FARS2: variants seen among roughly 807,000 people sequenced by gnomAD.
The protein encoded by FARS2 is phenylalanyl-tRNA synthetase 2, mitochondrial, also known as phenylalanine--tRNA ligase, mitochondrial.
Under a neutral mutation model 46.4 loss-of-function variants are expected in FARS2, and 40 were observed. That is an observed-to-expected ratio of 0.86 (90% CI 0.67 to 1.12). The LOEUF (loss-of-function observed/expected upper bound fraction) is 1.12. FARS2 is among the 50% of genes most tolerant of loss of function. The pLI is 0.00. For synonymous variants in FARS2, 234 were observed against 214.9 expected, an observed-to-expected ratio of 1.09 and a Z score of -0.78; for missense variants, 513 against 567.9, an observed-to-expected ratio of 0.90 and a Z score of 0.98.
chr6:5,708,140 G>C (rs1445618602), intron 6 of FARS2, among the ~76,000 whole-genome samples: 1 of 152,138 alleles, frequency 6.6e-6, no homozygotes, highest in Non-Finnish European at 1.5e-5. Context: ...GGTGGTAGAA[G>C]GGCCGGGTAG....
At chr6:5,522,042 G>T (rs1219619686) in intron 4 of FARS2, among the ~76,000 whole-genome samples, 1 of 152,172 alleles carries the variant, frequency 6.6e-6, no homozygotes, top group African/African-American at 2.4e-5. Flanking sequence ...GAATGTTAGG[G>T]CTGATTAATA....
rs187409808 is a variant in FARS2 at position 5,393,065 on chromosome 6, G to T, written c.613-11477G>T. Among the ~76,000 whole-genome samples the T allele has an allele frequency of 1.3e-4, 20 of 151,680 alleles. No homozygotes were observed. The East Asian group carries it at 3.9e-3, about 29-fold the overall frequency. Reference sequence around the variant, plus strand: ...GTGCTGCATTTTGGGAATTATCAGTGGGTTTTTGATTTATTGCTTCAACCA... The same window carrying T: ...GTGCTGCATTTTGGGAATTATCAGTTGGTTTTTGATTTATTGCTTCAACCA... On this transcript the variant is annotated intron_variant, in intron 2 of 6. Coordinates refer to ENST00000274680, the MANE Select transcript of FARS2 (RefSeq NM_006567.5).
At chr6:5,268,895 G>A (rs1040884294) in intron 1 of FARS2, among the ~76,000 whole-genome samples, 3 of 152,110 alleles carry the variant, frequency 2.0e-5, no homozygotes, top group Admixed American at 6.5e-5. Flanking sequence ...GTGGTTTGTA[G>A]TTCTCCTTGA....
chr6:5,531,758 G>A (rs1328038820), intron 4 of FARS2, among the ~76,000 whole-genome samples: 3 of 152,182 alleles, frequency 2.0e-5, no homozygotes, highest in African/African-American at 7.2e-5. Flanking sequence ...GAGTCTCCGA[G>A]GAAGCAGTTC....
intron 6 of FARS2, among the ~76,000 whole-genome samples, chr6:5,688,626 C>T (rs1343666080): frequency 6.6e-6 from 1 of 152,162 alleles, no homozygotes; most frequent in Non-Finnish European, 1.5e-5. Context: ...AGGATTTTTG[C>T]ATTGATGTTC....
chr6:5,372,158 G>A (rs546276162), intron 2 of FARS2, among the ~76,000 whole-genome samples: 25 of 152,162 alleles, frequency 1.6e-4, no homozygotes, highest in South Asian at 6.2e-4. Flanking sequence ...AAGCAAAACT[G>A]AAGAATTAAA....
intron 6 of FARS2, among the ~76,000 whole-genome samples, chr6:5,672,534 TACATA>T (rs745353375): frequency 2.0e-4 from 31 of 152,344 alleles, no homozygotes; most frequent in South Asian, 8.3e-4. Flanking sequence ...AACCATGGGT[TACATA>T]ACTTCAGGGG....
intron 4 of FARS2, among the ~76,000 whole-genome samples, chr6:5,490,966 A>G (rs1210971686): frequency 6.6e-6 from 1 of 152,240 alleles, no homozygotes; most frequent in Non-Finnish European, 1.5e-5. Flanking sequence ...ATTCCTGAGC[A>G]TCAGAAACTG....
At chr6:5,600,918 G>A (rs930193065) in intron 5 of FARS2, among the ~76,000 whole-genome samples, 2 of 152,164 alleles carry the variant, frequency 1.3e-5, no homozygotes, top group Non-Finnish European at 2.9e-5. Context: ...CCAACCACTA[G>A]GGTATTAGGA....
chr6:5,543,969 G>A (rs561379323), intron 4 of FARS2, among the ~76,000 whole-genome samples: 14 of 151,724 alleles, frequency 9.2e-5, no homozygotes, highest in African/African-American at 3.1e-4. Context: ...CCTTGCATGA[G>A]GAGCCTGGCT....
At chr6:5,644,203 T>G (rs1776961725) in intron 6 of FARS2, among the ~76,000 whole-genome samples, 1 of 152,014 alleles carries the variant, frequency 6.6e-6, no homozygotes, top group Non-Finnish European at 1.5e-5. Flanking sequence ...ATGTTTGTTG[T>G]TTCTTTTTTC....
chr6:5,282,665 A>G (rs1203186040), intron 1 of FARS2, among the ~76,000 whole-genome samples: 1 of 152,234 alleles, frequency 6.6e-6, no homozygotes, highest in East Asian at 1.9e-4. Flanking sequence ...TGGAACCCTG[A>G]TTTTGTGAAA....
intron 6 of FARS2, among the ~76,000 whole-genome samples, chr6:5,670,313 C>A (rs1778386785): frequency 6.6e-6 from 1 of 152,188 alleles, no homozygotes; most frequent in African/African-American, 2.4e-5. Flanking sequence ...AGGCAGTACA[C>A]CCCCTGATCA....
intron 3 of FARS2, among the ~76,000 whole-genome samples, chr6:5,427,494 G>C (rs1248611783): frequency 6.6e-6 from 1 of 152,098 alleles, no homozygotes; most frequent in Non-Finnish European, 1.5e-5. Context: ...TTCTTTGTGG[G>C]GTCATGTAGA....
intron 1 of FARS2, among the ~76,000 whole-genome samples, chr6:5,293,987 A>AAC (rs995501073): frequency 2.6e-5 from 4 of 152,160 alleles, no homozygotes; most frequent in African/African-American, 7.2e-5. Flanking sequence ...TTTAAACTTA[A>AAC]ACACACACAC....
At position 5,341,188 on chromosome 6, in the gene FARS2, GATATATATATATATATATATATAT is replaced by G. The variant is rs869067569; in HGVS notation, c.-21-27337_-21-27314del. Among the ~76,000 whole-genome samples the G allele has an allele frequency of 3.0e-3, 101 of 34,206 alleles. 4 individuals are homozygous for G. Among genetic ancestry groups the G allele is most frequent in the East Asian group, 9.2e-3 (15 of 1,622 alleles). The allele number at this position is 34,206 out of a possible 152,430, so 22.4% of individuals were successfully genotyped here. ...TTTGCCTGCTCTGTGGCCATGGGGA[GATATATATATATATATATATATAT>G]ATATATATATATATATATATATATT... On this transcript the variant is annotated intron_variant, in intron 1 of 6. Transcript: ENST00000274680.
At chr6:5,591,942 G>A (rs983290275) in intron 5 of FARS2, among the ~76,000 whole-genome samples, 16 of 151,986 alleles carry the variant, frequency 1.1e-4, no homozygotes, top group Non-Finnish European at 2.2e-4. Flanking sequence ...ATGTTTCTTC[G>A]CACATAGCTT....
intron 5 of FARS2, among the ~76,000 whole-genome samples, chr6:5,559,286 T>C (rs1012722660): frequency 2.0e-5 from 3 of 152,056 alleles, no homozygotes; most frequent in Non-Finnish European, 2.9e-5. Flanking sequence ...GCACCTGTGG[T>C]ACCAGCTGCT....
At chr6:5,409,834 G>A (rs567634542) in intron 3 of FARS2, among the ~76,000 whole-genome samples, 3 of 152,292 alleles carry the variant, frequency 2.0e-5, no homozygotes, top group African/African-American at 7.2e-5. Context: ...ACACACCCTT[G>A]CCATGCCCTG....
Sources: allele counts gnomAD v4.1 joint callset (sites outside exome capture counted in the v4.1 genomes callset), GRCh38; gene constraint gnomAD v4.1.1; transcripts MANE v1.5; gene names NCBI Gene and HGNC (gene_info 2026-07-23, HGNC 2026-07-21).